The following MMP26 variants were observed in gnomAD, a reference collection of about 807,000 sequenced individuals.
MMP26 encodes matrix metallopeptidase 26.
A neutral mutation model predicts 31.0 loss-of-function variants in MMP26; 33 were observed. The ratio of observed to expected loss-of-function variants is 1.06; its 90% CI spans 0.81 to 1.42. The LOEUF (loss-of-function observed/expected upper bound fraction) is 1.42. Among genes scored for constraint, MMP26 ranks in the 40% most tolerant of loss-of-function variants. The probability of loss-of-function intolerance (pLI) is 0.00; values close to 1 mark genes in which losing one functional copy is unlikely to be tolerated. For missense variants in MMP26, 347 were observed against 316.1 expected, an observed-to-expected ratio of 1.10 and a Z score of -0.74; for synonymous variants, 122 against 114.9, an observed-to-expected ratio of 1.06 and a Z score of -0.40.
At position 4,988,072 on chromosome 11, in the gene MMP26, GGAT is replaced by G; in HGVS notation, c.-134_-132del. On this transcript the variant is annotated 5_prime_UTR_variant, in exon 3 of 8. The change abolishes an upstream ATG in the 5' untranslated region. Transcript: ENST00000380390. ...TGGTCACTCTGCCCTCAGCAGGTAT[GGAT>G]GATGACGCCACTCACAGATTCAAAG... The G allele has an allele frequency of 1.3e-6, 1 of 744,272 alleles. No homozygotes were observed. Among genetic ancestry groups the G allele is most frequent in the East Asian group, 2.5e-5 (1 of 39,598 alleles). The allele number at this position is 744,272 out of a possible 1,614,324, so 46.1% of individuals were successfully genotyped here. A position where few individuals can be genotyped will look rare whatever the true frequency, so the allele number is the denominator to read the frequency against.
chr11:4,767,324 C>T lies in MMP26; in HGVS notation c.-162C>T, dbSNP rs554027562. 3.3e-5 allele frequency: 5 copies of T among 152,222 alleles called. No homozygotes were observed. The South Asian group carries it at 6.2e-4, about 19-fold the overall frequency. The allele number at this position is 152,222 out of a possible 1,614,324, so 9.4% of individuals were successfully genotyped here. A position where few individuals can be genotyped will look rare whatever the true frequency, so the allele number is the denominator to read the frequency against. ...TGCACTTTTGGATACTCTTTCAACT[C>T]AGAAGTCAACATAAAGGGTAAAATT... On this transcript the variant is annotated 5_prime_UTR_variant, in exon 2 of 8. Transcript: ENST00000380390.
At chr11:4,764,161 GTTTTGTTATTCATCTAATCATGA>G (rs1848600417) in intron 1 of MMP26, among the ~76,000 whole-genome samples, 1 of 152,118 alleles carries the variant, frequency 6.6e-6, no homozygotes, top group African/African-American at 2.4e-5. Flanking sequence ...TTATGTAACT[GTTTTGTTATTCATCTAATCATGA>G]TTTTGTAATC....
intron 2 of MMP26, chr11:4,794,355 G>A (rs1329890353): frequency 5.3e-5 from 8 of 152,190 alleles, no homozygotes; most frequent in East Asian, 1.9e-4. Context: ...GGTCTTGCAA[G>A]ATCGGGTCTC....
rs146965931 is a variant in MMP26, at chr11:4,861,128, C to T, written c.-145+93787C>T. Among the ~76,000 whole-genome samples the T allele has an allele frequency of 3.2e-3, 475 of 148,212 alleles. 4 individuals are homozygous for T. The highest frequency in any genetic ancestry group is 0.011 in the African/African-American group (460 of 40,348). ...ATACTTCCATATGTATATACATATA[C>T]ATATAGATACACACAGTTTCCAAGT... On this transcript the variant is annotated intron_variant, in intron 2 of 7. Transcript: ENST00000380390.
chr11:4,923,918 G>A, intron 2 of MMP26: 1 of 1,614,116 alleles, frequency 6.2e-7, no homozygotes, highest in Non-Finnish European at 8.5e-7. Context: ...GACAATACAT[G>A]CAGGTGTCAG....
rs754001407 is a variant in MMP26 at position 4,882,020 on chromosome 11, C to T, written c.-144-106048C>T. 9 of 1,613,718 alleles carry T rather than the reference C, an allele frequency of 5.6e-6. No homozygotes were observed. The Admixed American group carries it at 1.3e-4, about 24-fold the overall frequency. ...AGTCTGCTGTCTCTACACCATTGCC[C>T]TCTTGGGAAACAGTATGATCTTTCT... On this transcript the variant is annotated intron_variant, in intron 2 of 7. Coordinates refer to ENST00000380390, the MANE Select transcript of MMP26 (RefSeq NM_021801.5).
rs1191505943 is a variant in MMP26 at position 4,769,799 on chromosome 11, G to A, written c.-145+2458G>A. 2.5e-6 allele frequency: 4 copies of A among 1,612,758 alleles called. No individual in the cohort carries two copies. In the Admixed American group the frequency reaches 5.0e-5, roughly 20 times the overall value. ...CAGGATCACGCTGTTCCCAGAGAGGGCAATGGCATAAAAACAACAGAAAGG... is the reference window on the plus strand; with the variant it reads ...CAGGATCACGCTGTTCCCAGAGAGGACAATGGCATAAAAACAACAGAAAGG... On this transcript the variant is annotated intron_variant, in intron 2 of 7. Coordinates refer to ENST00000380390, the MANE Select transcript of MMP26 (RefSeq NM_021801.5).
intron 1 of MMP26, chr11:4,722,836 A>T (rs569435537): frequency 2.2e-6 from 2 of 892,838 alleles, no homozygotes; most frequent in Non-Finnish European, 3.7e-6. Context: ...TGGCTGAAGG[A>T]GCTGGAGCCG....
intron 2 of MMP26, chr11:4,804,599 T>A: frequency 1.4e-6 from 1 of 738,724 alleles, no homozygotes; most frequent in Non-Finnish European, 2.5e-6. Context: ...CTTATGTCAT[T>A]CAAAATGGGG....
chr11:4,988,191 T>C lies in MMP26; in HGVS notation c.-21T>C. The C allele has an allele frequency of 6.2e-7, 1 of 1,610,434 alleles. No homozygotes were observed. Among genetic ancestry groups the C allele is most frequent in the Non-Finnish European group, 8.5e-7 (1 of 1,176,744 alleles). On this transcript the variant is annotated 5_prime_UTR_variant, in exon 3 of 8. Coordinates refer to ENST00000380390, the MANE Select transcript of MMP26 (RefSeq NM_021801.5). ...AAGTTGTGTACCTGAATTCAAGCAG[T>C]GGGACAAATGAGGGTTTGGCATGCA...
At chr11:4,834,467 T>C (rs1054059523) in intron 2 of MMP26, among the ~76,000 whole-genome samples, 4 of 152,220 alleles carry the variant, frequency 2.6e-5, no homozygotes, top group African/African-American at 9.7e-5. Context: ...AATCCTTATT[T>C]ACTACATCAG....
intron 2 of MMP26, among the ~76,000 whole-genome samples, chr11:4,902,615 TC>T (rs1274295555): frequency 6.6e-6 from 1 of 152,224 alleles, no homozygotes; most frequent in Non-Finnish European, 1.5e-5. Flanking sequence ...AATTCTTGTG[TC>T]TTTTGCAAAT....
At chr11:4,724,075 T>G in intron 1 of MMP26, 1 of 651,586 alleles carries the variant, frequency 1.5e-6, no homozygotes, top group Non-Finnish European at 2.8e-6. Context: ...GAGGAGCTGA[T>G]GCAGGCACCA....
intron 2 of MMP26, among the ~76,000 whole-genome samples, chr11:4,817,185 A>T (rs1047492435): frequency 6.6e-6 from 1 of 152,162 alleles, no homozygotes; most frequent in Non-Finnish European, 1.5e-5. Flanking sequence ...TGGCCTAGGA[A>T]AGTATTATAC....
chr11:4,872,074 A>G (rs1439379175), intron 2 of MMP26, among the ~76,000 whole-genome samples: 1 of 152,084 alleles, frequency 6.6e-6, no homozygotes, highest in Non-Finnish European at 1.5e-5. Context: ...AGTGCATGCA[A>G]TAGCAGTAAT....
At chr11:4,742,551 G>T (rs1343241475) in intron 1 of MMP26, among the ~76,000 whole-genome samples, 1 of 152,162 alleles carries the variant, frequency 6.6e-6, no homozygotes, top group African/African-American at 2.4e-5. Context: ...TTCCAGAAGA[G>T]ATTAGCATTT....
At chr11:4,849,022 G>T in intron 2 of MMP26, 1 of 1,614,124 alleles carries the variant, frequency 6.2e-7, no homozygotes, top group South Asian at 1.1e-5. Context: ...GGGCGGTGCA[G>T]GGCGGGCTGC....
intron 1 of MMP26, chr11:4,718,635 C>G (rs1422417124): frequency 6.5e-6 from 1 of 154,748 alleles, no homozygotes; most frequent in Non-Finnish European, 1.5e-5. Flanking sequence ...AGAATATCAC[C>G]TCCACTTCCA....
chr11:4,979,679 A>C (rs1314697242), intron 2 of MMP26, among the ~76,000 whole-genome samples: 1 of 152,018 alleles, frequency 6.6e-6, no homozygotes, highest in Non-Finnish European at 1.5e-5. Context: ...ATCTCCTTTT[A>C]ATGCACTTGT....
Sources: allele counts gnomAD v4.1 joint callset (sites outside exome capture counted in the v4.1 genomes callset), GRCh38; gene constraint gnomAD v4.1.1; transcripts MANE v1.5; gene names NCBI Gene and HGNC (gene_info 2026-07-23, HGNC 2026-07-21).